Variants in DNA2 observed in about 807,000 individuals in gnomAD.
DNA2 encodes the protein DNA replication helicase/nuclease 2, also known as DNA replication ATP-dependent helicase/nuclease DNA2.
In DNA2, 101 loss-of-function variants were observed where a neutral mutation model predicts 119.1. The observed-to-expected ratio is 0.85, with a 90% CI of 0.72 to 1.00. DNA2 has a LOEUF of 1.00. Among genes scored for constraint, DNA2 ranks in the 50% least tolerant of loss-of-function variants. DNA2 has a pLI of 0.00. For synonymous variants in DNA2, 366 were observed against 424.4 expected (o/e 0.86, Z 1.69); for missense variants, 1,121 against 1,255.5 (o/e 0.89, Z 1.62).
chr10:68,432,676 G>A (rs1227939883), intron 10 of DNA2, among the ~76,000 whole-genome samples, 166 bp from the exon 11 acceptor site: 2 of 152,124 alleles, frequency 1.3e-5, no homozygotes, highest in Non-Finnish European at 2.9e-5. Context: ...GCCCTGGATT[G>A]GTGGGAAAAG....
At chr10:68,441,348 A>G (rs1012951066) in intron 9 of DNA2, among the ~76,000 whole-genome samples, 3 of 151,882 alleles carry the variant, frequency 2.0e-5, no homozygotes, top group Non-Finnish European at 2.9e-5. Flanking sequence ...AAAAAAAAAA[A>G]AAAAAAAGAA....
intron 19 of DNA2, among the ~76,000 whole-genome samples, chr10:68,418,513 G>A (rs542333796): frequency 2.7e-5 from 4 of 148,588 alleles, no homozygotes; most frequent in East Asian, 2.0e-4. Flanking sequence ...TCTGCAGAAC[G>A]TGCAGTTTTG....
rs559613940 is a variant in DNA2 at position 68,416,932 on chromosome 10, G to A, written c.2968-77C>T. Reference sequence around the variant, plus strand: ...TATTACAACACATCCCTACACAATGGACACCTGTGCAAATTTAAGAATAGA... The same window carrying A: ...TATTACAACACATCCCTACACAATGAACACCTGTGCAAATTTAAGAATAGA... On this transcript the variant is annotated intron_variant, in intron 19 of 20. Coordinates refer to ENST00000358410, the MANE Select transcript of DNA2 (RefSeq NM_001080449.3). The A allele has an allele frequency of 7.1e-6, 9 of 1,274,562 alleles. No individual in the cohort carries two copies. The East Asian group carries it at 2.2e-4, about 31-fold the overall frequency. 79.0% of individuals were successfully genotyped at this position (1,274,562 alleles called of 1,614,324 possible). A position where few individuals can be genotyped will look rare whatever the true frequency, so the allele number is the denominator to read the frequency against.
At position 68,428,051 on chromosome 10, in the gene DNA2, G is replaced by A. The variant is rs527818967; in HGVS notation, c.2208+2385C>T. The stretch of plus-strand genomic sequence containing the variant: ...CCATCTCAGAAAAAAAAAAAAGCCC[G>A]GCACAGTGGCTCACGCCTGTAATCC... On this transcript the variant is annotated intron_variant, in intron 14 of 20. Coordinates refer to ENST00000358410, the MANE Select transcript of DNA2 (RefSeq NM_001080449.3). 2.6e-4 allele frequency among the ~76,000 whole-genome samples: 39 copies of A among 148,284 alleles called. No individual in the cohort carries two copies. In the South Asian group the frequency reaches 4.9e-3, roughly 19 times the overall value.
rs547488083 is a variant in DNA2 at position 68,445,439 on chromosome 10, G to C, written c.1058-356C>G. ...GATCGCATCATTGCACTCCAGCCTGGGTAACAAGAGCGAAACTCGGTCTCA... is the reference window on the plus strand; with the variant it reads ...GATCGCATCATTGCACTCCAGCCTGCGTAACAAGAGCGAAACTCGGTCTCA... On this transcript the variant is annotated intron_variant, in intron 7 of 20. Coordinates refer to ENST00000358410, the MANE Select transcript of DNA2 (RefSeq NM_001080449.3). Among the ~76,000 whole-genome samples, 3 of 151,550 alleles carry C rather than the reference G, an allele frequency of 2.0e-5. No homozygotes were observed. In the South Asian group the frequency reaches 6.3e-4, roughly 32 times the overall value.
At chr10:68,463,131 GA>G (rs1191780617) in intron 4 of DNA2, among the ~76,000 whole-genome samples, 47 of 136,294 alleles carry the variant, frequency 3.4e-4, no homozygotes, top group African/African-American at 4.0e-4. Flanking sequence ...GATTCAAAAA[GA>G]AAAAAAAAAA....
At position 68,437,018 on chromosome 10, in the gene DNA2, A is replaced by C; in HGVS notation, c.1639T>G (p.Leu547Val). 1 of 1,607,648 alleles carries C rather than the reference A, an allele frequency of 6.2e-7. No homozygotes were observed. The highest frequency in any genetic ancestry group is 1.1e-5 in the South Asian group (1 of 89,724). ...AAAGTAACATTTCATTACCTGTCTAATAAACAAGTTACTGTTGTCATGTTA... is the reference window on the plus strand; with the variant it reads ...AAAGTAACATTTCATTACCTGTCTACTAAACAAGTTACTGTTGTCATGTTA... ...EINMTTVTCL[L>V]DRNLSVLPES... The change falls in exon 10 of 21, where the codon TTA becomes GTA. Residue 547 changes from leucine to valine, a missense_variant. Leu to Val is a conservative substitution (Grantham distance 32). Transcript: ENST00000358410.
intron 14 of DNA2, chr10:68,424,848 G>T: frequency 1.2e-6 from 1 of 815,944 alleles, no homozygotes; most frequent in Non-Finnish European, 2.2e-6. Context: ...AACCGTCCAC[G>T]TGGGTACTCA....
intron 6 of DNA2, among the ~76,000 whole-genome samples, chr10:68,446,851 G>A (rs1405208581): frequency 6.6e-6 from 1 of 152,154 alleles, no homozygotes; most frequent in Non-Finnish European, 1.5e-5. Flanking sequence ...GAACAATAGT[G>A]AGGGTGGTGC....
intron 17 of DNA2, 87 bp from the exon 18 acceptor site, chr10:68,419,979 G>A (rs2051644028): frequency 5.1e-6 from 5 of 985,658 alleles, no homozygotes; most frequent in African/African-American, 3.3e-5. Flanking sequence ...CTATACTACC[G>A]ACTTGGAGAT....
intron 5 of DNA2, among the ~76,000 whole-genome samples, chr10:68,457,728 C>A (rs2133428596): frequency 1.3e-5 from 2 of 148,490 alleles, no homozygotes; most frequent in Admixed American, 6.8e-5. Flanking sequence ...TATAACAATG[C>A]CACTTTGAGA....
At chr10:68,438,760 G>C (rs111806264) in intron 9 of DNA2, among the ~76,000 whole-genome samples, 7 of 151,952 alleles carry the variant, frequency 4.6e-5, no homozygotes, top group Non-Finnish European at 2.9e-5. Context: ...TGGGCCGGGC[G>C]CCGTGGCTCA....
At chr10:68,422,146 G>C (rs1200881212) in intron 17 of DNA2, 79 bp downstream of exon 17, 3 of 1,155,800 alleles carry the variant, frequency 2.6e-6, no homozygotes, top group Non-Finnish European at 3.6e-6. Context: ...GCTCTAATTA[G>C]GGCATGTGCT....
At chr10:68,451,550 T>C (rs768782722) in intron 5 of DNA2, among the ~76,000 whole-genome samples, 2 of 152,136 alleles carry the variant, frequency 1.3e-5, no homozygotes, top group Non-Finnish European at 2.9e-5. Context: ...CACTTTTAGA[T>C]TCAAAGCCAG....
In DNA2 at chr10:68,414,816, T is replaced by C; in HGVS notation, c.*223A>G. ...AAGTTTAAAGCTCAAAGTCAAAAGTTAATCCATCTTCAAAGCTGGTAAAAA... is the reference window on the plus strand; with the variant it reads ...AAGTTTAAAGCTCAAAGTCAAAAGTCAATCCATCTTCAAAGCTGGTAAAAA... On this transcript the variant is annotated 3_prime_UTR_variant, in exon 21 of 21. Coordinates refer to ENST00000358410, the MANE Select transcript of DNA2 (RefSeq NM_001080449.3). The C allele has an allele frequency of 5.0e-6, 2 of 402,102 alleles. No homozygotes were observed. The highest frequency in any genetic ancestry group is 9.2e-6 in the Non-Finnish European group (2 of 218,546). 24.9% of individuals were successfully genotyped at this position (402,102 alleles called of 1,614,324 possible). A position where few individuals can be genotyped will look rare whatever the true frequency, so the allele number is the denominator to read the frequency against.
intron 18 of DNA2, chr10:68,419,547 A>T: frequency 1.9e-6 from 1 of 525,500 alleles, no homozygotes; most frequent in Non-Finnish European, 3.3e-6. Context: ...TCCAATTCCT[A>T]ATCACTACAA....
Position 68,469,987 on chromosome 10 carries a change from T to C in DNA2, c.251A>G (p.Asn84Ser), listed in dbSNP as rs1395220798. Reference sequence around the variant, plus strand: ...AAAGTCACATAAAAATTACCAGTCATTCCTAAGGATGCATAGTTCTTTATT... The same window carrying C: ...AAAGTCACATAAAAATTACCAGTCACTCCTAAGGATGCATAGTTCTTTATT... ...LENKELCILR[N>S]DWCSVPVEPG... is the part of the protein sequence containing the mutation. The change falls in exon 2 of 21, where the codon AAT (asparagine) becomes AGT (serine). Residue 84 changes from asparagine to serine, a missense_variant. Asn to Ser is a conservative substitution (Grantham distance 46). Coordinates refer to ENST00000358410, the MANE Select transcript of DNA2 (RefSeq NM_001080449.3). The C allele has an allele frequency of 6.3e-7, 1 of 1,599,888 alleles. No individual in the cohort carries two copies. The highest frequency in any genetic ancestry group is 8.5e-7 in the Non-Finnish European group (1 of 1,176,672).
upstream of DNA2, chr10:68,472,106 A>C (rs760022214): frequency 4.0e-6 from 6 of 1,516,164 alleles, no homozygotes; most frequent in South Asian, 7.3e-5. Flanking sequence ...AGGACTGGGA[A>C]TACAGGGAGT....
chr10:68,447,996 A>AG (rs2052065274), intron 6 of DNA2, among the ~76,000 whole-genome samples: 1 of 151,280 alleles, frequency 6.6e-6, no homozygotes, highest in South Asian at 2.1e-4. Flanking sequence ...AAAAAAAAAA[A>AG]TTTAATTTAC....
Sources: gnomAD v4.1 joint callset for allele counts (sites outside exome capture counted in the v4.1 genomes callset) on GRCh38, gnomAD v4.1.1 for gene constraint, MANE v1.5 for transcripts, NCBI Gene and HGNC (gene_info 2026-07-23, HGNC 2026-07-21) for gene names.